MX1: variants seen among roughly 807,000 people sequenced by gnomAD.
The protein encoded by MX1 is interferon-induced GTP-binding protein Mx1.
A neutral mutation model predicts 66.4 loss-of-function variants in MX1; 66 were observed. The observed-to-expected ratio is 0.99, with a 90% CI of 0.82 to 1.22. The LOEUF is 1.22. Ranked by LOEUF, MX1 falls within the 50% of genes most tolerant of loss-of-function variation. MX1 has a pLI of 0.00. For missense variants in MX1, 787 were observed against 834.3 expected (o/e 0.94, Z 0.70); for synonymous variants, 311 against 318.1 (o/e 0.98, Z 0.24).
chr21:41,432,222 C>T, intron 5 of MX1, 47 bp downstream of exon 5: 4 of 1,555,070 alleles, frequency 2.6e-6, no homozygotes, highest in Non-Finnish European at 3.5e-6. Context: ...TGAGCCATGC[C>T]CATTCGAGGC....
intron 10 of MX1, among the ~76,000 whole-genome samples, chr21:41,442,343 A>T (rs1002483565): frequency 5.3e-5 from 8 of 152,218 alleles, no homozygotes; most frequent in African/African-American, 1.9e-4. Flanking sequence ...AGTATCTATT[A>T]GTGGTGTTAG....
At chr21:41,437,771 T>C (rs1305253466) in intron 7 of MX1, among the ~76,000 whole-genome samples, 1 of 152,248 alleles carries the variant, frequency 6.6e-6, no homozygotes, top group East Asian at 1.9e-4. Context: ...GAGCCAGATA[T>C]GGGGGTGAGG....
intron 3 of MX1, chr21:41,429,441 C>T (rs1320353457): frequency 2.0e-5 from 3 of 152,100 alleles, no homozygotes; most frequent in Admixed American, 6.5e-5. Flanking sequence ...CAATGATGCT[C>T]CTTATCTGGC....
intron 12 of MX1, 127 bp from the exon 13 acceptor site, chr21:41,445,873 G>A (rs111872601): frequency 7.4e-6 from 9 of 1,215,804 alleles, no homozygotes; most frequent in African/African-American, 1.5e-5. Context: ...TCTTTCCCCT[G>A]ATCCACAGTG....
intron 16 of MX1, among the ~76,000 whole-genome samples, chr21:41,455,606 A>G (rs1352603754): frequency 2.0e-5 from 3 of 152,206 alleles, no homozygotes; most frequent in African/African-American, 7.2e-5. Flanking sequence ...CCATGCATAT[A>G]CATTTTATAA....
chr21:41,421,543 G>A (rs894064439), upstream of MX1, among the ~76,000 whole-genome samples: 3 of 152,146 alleles, frequency 2.0e-5, no homozygotes, highest in Non-Finnish European at 2.9e-5. Context: ...GCGGCCTTCC[G>A]CAGTGTTTGT....
chr21:41,436,379 T>C (rs2090363389), intron 6 of MX1, among the ~76,000 whole-genome samples: 1 of 152,272 alleles, frequency 6.6e-6, no homozygotes, highest in African/African-American at 2.4e-5. Flanking sequence ...GGTTAGGGCT[T>C]CAACATAGGA....
Position 41,441,880 on chromosome 21 carries a change from GAGA to G in MX1, c.899_901del (p.Lys300del), listed in dbSNP as rs777290586. On this transcript the variant is annotated inframe_deletion, in exon 10 of 17. Transcript: ENST00000398598. The surrounding 1 kb of genome is among the most constrained non-coding windows in gnomAD (Gnocchi z 4.0). ...GAGCCTGTCCGAAGCCCTGCAGAGA[GAGA>G]AGATCTTCTTTGAGAACCACCCATA... 80 of 1,614,204 alleles carry G rather than the reference GAGA, an allele frequency of 5.0e-5. No homozygotes were observed. The highest frequency in any genetic ancestry group is 6.5e-5 in the Non-Finnish European group (77 of 1,180,036).
At position 41,432,044 on chromosome 21, in the gene MX1, T is replaced by C. The variant is rs769697641; in HGVS notation, c.-21-6T>C. The C allele has an allele frequency of 1.1e-5, 18 of 1,612,468 alleles. No individual in the cohort carries two copies. The highest frequency in any genetic ancestry group is 1.5e-5 in the Non-Finnish European group (18 of 1,179,186). On this transcript the variant is annotated splice_polypyrimidine_tract_variant and splice_region_variant and intron_variant, in intron 4 of 16. Transcript: ENST00000398598. ...TCTGTTCAATAGGCATCTGCTTTATTTTAAGCTTACTTTGCAAAGAAGGAA... is the reference window on the plus strand; with the variant it reads ...TCTGTTCAATAGGCATCTGCTTTATCTTAAGCTTACTTTGCAAAGAAGGAA...
chr21:41,430,139 G>A (rs954029584), intron 3 of MX1, among the ~76,000 whole-genome samples: 4 of 152,070 alleles, frequency 2.6e-5, no homozygotes, highest in Admixed American at 2.0e-4. Flanking sequence ...AATGGCATTG[G>A]CTCAGGTGTG....
chr21:41,449,581 C>G lies in MX1; in HGVS notation c.1432+286C>G, dbSNP rs2090766947. 3 of 301,998 alleles carry G rather than the reference C, an allele frequency of 9.9e-6. No homozygotes were observed. In the East Asian group the frequency reaches 1.8e-4, roughly 18 times the overall value. The allele number at this position is 301,998 out of a possible 1,614,324, so 18.7% of individuals were successfully genotyped here. ...CCAGACCTCCTATTCTTCTGATGGACTGTTTATAAATCAAGGTTCTTGCGA... is the reference window on the plus strand; with the variant it reads ...CCAGACCTCCTATTCTTCTGATGGAGTGTTTATAAATCAAGGTTCTTGCGA... On this transcript the variant is annotated intron_variant, in intron 14 of 16. Coordinates refer to ENST00000398598, the MANE Select transcript of MX1 (RefSeq NM_002462.5).
In MX1 at chr21:41,452,876, C is replaced by T; in HGVS notation, c.1758+7C>T. The stretch of plus-strand genomic sequence containing the variant: ...CCTGATGGCCTATCACCAGGTACGT[C>T]TTCGCGTGGTTCAGGATGCCAGCTT... On this transcript the variant is annotated splice_region_variant and intron_variant, in intron 16 of 16. Coordinates refer to ENST00000398598, the MANE Select transcript of MX1 (RefSeq NM_002462.5). 6.2e-7 allele frequency: 1 copy of T among 1,613,274 alleles called. No individual in the cohort carries two copies. The highest frequency in any genetic ancestry group is 8.5e-7 in the Non-Finnish European group (1 of 1,179,548).
At chr21:41,438,701 G>A (rs2090428247) in intron 7 of MX1, among the ~76,000 whole-genome samples, 1 of 152,248 alleles carries the variant, frequency 6.6e-6, no homozygotes, top group Admixed American at 6.5e-5. Flanking sequence ...CGTGCATACA[G>A]GGATGGAAGG....
At position 41,449,300 on chromosome 21, in the gene MX1, G is replaced by C; in HGVS notation, c.1432+5G>C. The C allele has an allele frequency of 1.2e-6, 2 of 1,606,548 alleles. No homozygotes were observed. The highest frequency in any genetic ancestry group is 1.7e-4 in the Middle Eastern group (1 of 6,032). On this transcript the variant is annotated splice_donor_5th_base_variant and intron_variant, in intron 14 of 16. Transcript: ENST00000398598. The stretch of plus-strand genomic sequence containing the variant: ...ATATGCTACACACCGTGACGGGTGA[G>C]TGCTCAGTTTCACCTCTGAGCATTG...
intron 5 of MX1, among the ~76,000 whole-genome samples, chr21:41,433,561 A>G (rs1390157289): frequency 1.3e-5 from 2 of 152,252 alleles, no homozygotes; most frequent in Non-Finnish European, 2.9e-5. Context: ...TACAGGAAAT[A>G]TACAAAATGA....
intron 5 of MX1, among the ~76,000 whole-genome samples, chr21:41,433,858 A>G (rs935290544): frequency 6.6e-6 from 1 of 152,218 alleles, no homozygotes; most frequent in Non-Finnish European, 1.5e-5. Flanking sequence ...AAAACAAACA[A>G]AAAGTTATAA....
intron 12 of MX1, 61 bp downstream of exon 12, chr21:41,445,631 T>G: frequency 6.2e-7 from 1 of 1,605,562 alleles, no homozygotes; most frequent in Non-Finnish European, 8.5e-7. Flanking sequence ...AAAGGGACCC[T>G]GGGCCTTATG....
chr21:41,436,008 G>A lies in MX1; in HGVS notation c.277G>A (p.Val93Ile). 2 of 1,614,220 alleles carry A rather than the reference G, an allele frequency of 1.2e-6. No homozygotes were observed. The highest frequency in any genetic ancestry group is 1.7e-6 in the Non-Finnish European group (2 of 1,180,018). Reference protein sequence around the residue: ...KSSVLEALSGVALPRGSGIVT... With the variant: ...KSSVLEALSGIALPRGSGIVT... ...CTCCGTGTTGGAGGCACTGTCAGGA[G>A]TTGCCCTTCCCAGAGGCAGCGGTAA... Residue 93 changes from valine (V) to isoleucine (I), a missense_variant, in exon 6 of 17, where the codon GTT becomes ATT. Transcript: ENST00000398598.
intron 16 of MX1, among the ~76,000 whole-genome samples, chr21:41,453,859 T>G (rs1210664934): frequency 6.6e-6 from 1 of 151,554 alleles, no homozygotes; most frequent in Non-Finnish European, 1.5e-5. Context: ...TTGAAAGAGT[T>G]AAACTTTGTC....
Sources: gnomAD v4.1 joint callset for allele counts (sites outside exome capture counted in the v4.1 genomes callset) on GRCh38, gnomAD v4.1.1 for gene constraint, Gnocchi (gnomAD v3.1) non-coding constraint, MANE v1.5 for transcripts, NCBI Gene and HGNC (gene_info 2026-07-23, HGNC 2026-07-21) for gene names.